The following CNTFR variants were observed in gnomAD, a reference collection of about 807,000 sequenced individuals.
CNTFR encodes ciliary neurotrophic factor receptor subunit alpha.
CNTFR carries 12 observed loss-of-function variants against 40.4 expected under a neutral mutation model. That is an observed-to-expected ratio of 0.30 (90% confidence interval 0.19 to 0.48). CNTFR has a LOEUF of 0.48. CNTFR is among the 20% of genes least tolerant of loss of function. The pLI is 0.99. For missense variants in CNTFR, 414 were observed against 506.8 expected (o/e 0.82, Z 1.76); for synonymous variants, 202 against 209.6 (o/e 0.96, Z 0.31).
intron 1 of CNTFR, among the ~76,000 whole-genome samples, chr9:34,584,806 C>T (rs1209605618): frequency 2.0e-5 from 3 of 149,106 alleles, no homozygotes; most frequent in Non-Finnish European, 3.0e-5. Context: ...GCCACAGAAT[C>T]GGTGTGATTG....
At chr9:34,560,719 A>C (rs1826035697) in intron 4 of CNTFR, among the ~76,000 whole-genome samples, 1 of 152,240 alleles carries the variant, frequency 6.6e-6, no homozygotes, top group Non-Finnish European at 1.5e-5. Context: ...CATACACGGC[A>C]TCTGGGTTGC....
In CNTFR at chr9:34,557,018, A is replaced by G. The variant is rs1264382418; in HGVS notation, c.604+508T>C. On this transcript the variant is annotated intron_variant, in intron 6 of 9. Coordinates refer to ENST00000378980, the MANE Select transcript of CNTFR (RefSeq NM_147164.3). The surrounding 1 kb of genome is among the most constrained non-coding windows in gnomAD (Gnocchi z 4.2). Reference sequence around the variant, plus strand: ...CTGGGGAGAAGACAGGGGCAGGCAGAAGGTCTGGCTGGGGCGGGGGAATAG... The same window carrying G: ...CTGGGGAGAAGACAGGGGCAGGCAGGAGGTCTGGCTGGGGCGGGGGAATAG... Among the ~76,000 whole-genome samples the G allele has an allele frequency of 6.7e-6, 1 of 149,938 alleles. No homozygotes were observed. The highest frequency in any genetic ancestry group is 1.5e-5 in the Non-Finnish European group (1 of 67,670).
intron 2 of CNTFR, among the ~76,000 whole-genome samples, chr9:34,577,274 T>C (rs2132231224): frequency 6.6e-6 from 1 of 152,316 alleles, no homozygotes; most frequent in East Asian, 1.9e-4. Context: ...GCTGGGGCCC[T>C]GATGCCTCCA....
At position 34,575,378 on chromosome 9, in the gene CNTFR, C is replaced by T. The variant is rs73486544; in HGVS notation, c.-1+5717G>A. Among the ~76,000 whole-genome samples the T allele has an allele frequency of 3.3e-3, 503 of 152,186 alleles. 6 individuals are homozygous for T. The highest frequency in any genetic ancestry group is 0.012 in the African/African-American group (482 of 41,498). On this transcript the variant is annotated intron_variant, in intron 2 of 9. Transcript: ENST00000378980. ...ACATTAGACAGCTGGAAGAACTCAA[C>T]GAAAGGCAGGGGATGGGCAGAGCAA...
In CNTFR at chr9:34,566,152, C is replaced by CT. The variant is rs143793705; in HGVS notation, c.86-1321dup. ...CCTTGGACCCACTGGCCACCCCCTCCTCCCATTGCAGCCCCCTCCTCAGCC... is the reference window on the plus strand; with the variant it reads ...CCTTGGACCCACTGGCCACCCCCTCCTTCCCATTGCAGCCCCCTCCTCAGCC... On this transcript the variant is annotated intron_variant, in intron 3 of 9. Transcript: ENST00000378980. Among the ~76,000 whole-genome samples the CT allele has an allele frequency of 5.3e-3, 809 of 152,114 alleles. 8 individuals carry two copies. The highest frequency in any genetic ancestry group is 0.019 in the African/African-American group (768 of 41,464).
intron 2 of CNTFR, among the ~76,000 whole-genome samples, chr9:34,577,611 C>T (rs1049485885): frequency 2.6e-5 from 4 of 152,110 alleles, no homozygotes; most frequent in Admixed American, 6.5e-5. Context: ...TCCCCTCTGT[C>T]TAGATGTCAC....
intron 2 of CNTFR, chr9:34,571,561 T>TACACAC (rs145378339): frequency 0.15 from 22,666 of 148,548 alleles, 1,977 homozygotes; most frequent in South Asian, 0.23. Context: ...CGCGTGCGCA[T>TACACAC]ACACACACAC....
intron 4 of CNTFR, among the ~76,000 whole-genome samples, chr9:34,559,106 G>A (rs569029213): frequency 1.3e-5 from 2 of 152,234 alleles, no homozygotes; most frequent in South Asian, 2.1e-4. Context: ...CCCCGCCCCC[G>A]GCCTGACAGG....
intron 1 of CNTFR, among the ~76,000 whole-genome samples, chr9:34,585,551 C>T (rs1010145719): frequency 2.0e-5 from 3 of 152,218 alleles, no homozygotes; most frequent in African/African-American, 7.2e-5. Flanking sequence ...CCCTTGGCCC[C>T]CAGAGTGCCT....
Position 34,557,760 on chromosome 9 carries a change from A to T in CNTFR, c.438-68T>A. 1 of 1,598,882 alleles carries T rather than the reference A, an allele frequency of 6.3e-7. No individual in the cohort carries two copies. The highest frequency in any genetic ancestry group is 1.3e-5 in the African/African-American group (1 of 74,712). On this transcript the variant is annotated intron_variant, in intron 5 of 9. Transcript: ENST00000378980. The surrounding 1 kb of genome is among the most constrained non-coding windows in gnomAD (Gnocchi z 4.2). ...GTCAGGTGGGGCAGAGGTTGAGGAA[A>T]GGTCAAGCCCAAGGCAGGGCTGGGG...
rs184227306 is a variant in CNTFR at position 34,583,479 on chromosome 9, G to T, written c.-111-2274C>A. The stretch of plus-strand genomic sequence containing the variant: ...CACAGGAGGAAGGCACCAGGACAGG[G>T]GTCCTCACCCCATCATTCCAATCCC... On this transcript the variant is annotated intron_variant, in intron 1 of 9. Transcript: ENST00000378980. 2.5e-3 allele frequency among the ~76,000 whole-genome samples: 379 copies of T among 152,232 alleles called. 1 individual carries two copies. The highest frequency in any genetic ancestry group is 8.4e-3 in the African/African-American group (347 of 41,536).
chr9:34,566,256 TC>T, intron 3 of CNTFR, among the ~76,000 whole-genome samples: 1 of 152,118 alleles, frequency 6.6e-6, no homozygotes, highest in Admixed American at 6.5e-5. Context: ...TCTCTGTGAC[TC>T]CGGGTCTCTC....
intron 4 of CNTFR, among the ~76,000 whole-genome samples, chr9:34,562,212 A>G (rs117519327): frequency 0.013 from 2,005 of 152,222 alleles, 24 homozygotes; most frequent in Non-Finnish European, 0.019. Flanking sequence ...TCCTTTTTCC[A>G]TGGCACTCAG....
chr9:34,579,594 T>G, intron 2 of CNTFR, among the ~76,000 whole-genome samples: 1 of 148,298 alleles, frequency 6.7e-6, no homozygotes, highest in East Asian at 2.0e-4. Context: ...GAGAGGGTGA[T>G]GGAGAGAGAG....
In CNTFR at chr9:34,557,034, G is replaced by A. The variant is rs569707142; in HGVS notation, c.604+492C>T. Among the ~76,000 whole-genome samples the A allele has an allele frequency of 1.3e-5, 2 of 151,942 alleles. No individual in the cohort carries two copies. Among genetic ancestry groups the A allele is most frequent in the South Asian group, 2.1e-4 (1 of 4,776 alleles). The stretch of plus-strand genomic sequence containing the variant: ...GGCAGGCAGAAGGTCTGGCTGGGGC[G>A]GGGGAATAGCAGGCAGAGAGCCTGC... On this transcript the variant is annotated intron_variant, in intron 6 of 9. Transcript: ENST00000378980. This position sits in a 1 kb window ranked among gnomAD's most constrained non-coding sequence, Gnocchi z 4.2.
At chr9:34,586,336 C>A (rs537402472) in intron 1 of CNTFR, among the ~76,000 whole-genome samples, 1 of 152,308 alleles carries the variant, frequency 6.6e-6, no homozygotes, top group East Asian at 1.9e-4. Context: ...GTCCCTACCC[C>A]TCCCCAGCCA....
intron 3 of CNTFR, among the ~76,000 whole-genome samples, chr9:34,568,552 C>G (rs1022929670): frequency 1.3e-5 from 2 of 152,196 alleles, no homozygotes; most frequent in Non-Finnish European, 2.9e-5. Context: ...GTGCCTCCAA[C>G]TGCACCCCAC....
At chr9:34,559,785 C>T (rs1408708724) in intron 4 of CNTFR, among the ~76,000 whole-genome samples, 2 of 152,128 alleles carry the variant, frequency 1.3e-5, no homozygotes, top group Non-Finnish European at 2.9e-5. Context: ...TCGGAGTGTG[C>T]AGAGTCCGCT....
At chr9:34,559,029 C>T (rs547265975) in intron 4 of CNTFR, among the ~76,000 whole-genome samples, 1 of 152,190 alleles carries the variant, frequency 6.6e-6, no homozygotes, top group Non-Finnish European at 1.5e-5. Context: ...TGTGATCTGA[C>T]CCGAGCAAGG....
Sources: allele counts gnomAD v4.1 joint callset (sites outside exome capture counted in the v4.1 genomes callset), GRCh38; gene constraint gnomAD v4.1.1; non-coding constraint Gnocchi (gnomAD v3.1); transcripts MANE v1.5; gene names NCBI Gene and HGNC (gene_info 2026-07-23, HGNC 2026-07-21).